The following CPNE4 variants were observed in gnomAD, a reference collection of about 807,000 sequenced individuals.
The protein encoded by CPNE4 is copine 4, also known as copine-4.
CPNE4 carries 25 observed loss-of-function variants against 67.9 expected under a neutral mutation model. The observed-to-expected ratio is 0.37, with a 90% confidence interval of 0.27 to 0.51. CPNE4 has a LOEUF of 0.51. CPNE4 is among the 20% of genes least tolerant of loss of function. The pLI, the probability that CPNE4 is intolerant of heterozygous loss-of-function variation, is 0.93. For synonymous variants in CPNE4, 242 were observed against 244.9 expected (o/e 0.99, Z 0.11); for missense variants, 464 against 690.8 (o/e 0.67, Z 3.68).
At chr3:131,862,054 T>C (rs2086712903) in intron 2 of CPNE4, among the ~76,000 whole-genome samples, 1 of 152,218 alleles carries the variant, frequency 6.6e-6, no homozygotes, top group African/African-American at 2.4e-5. Flanking sequence ...ACCCAGGGGC[T>C]CTTTTCTTTG....
chr3:131,952,899 A>G (rs1183550212), intron 1 of CPNE4, among the ~76,000 whole-genome samples: 14 of 150,130 alleles, frequency 9.3e-5, no homozygotes, highest in East Asian at 2.0e-4. Flanking sequence ...CTGTACTAAG[A>G]AAAATTATTC....
chr3:131,779,635 A>T lies in CPNE4; in HGVS notation c.181-56010T>A, dbSNP rs148819494. ...GTGGAATAACTGGCTACCCATATGC[A>T]GAAGATTGAAACTGGACCCTTACCT... On this transcript the variant is annotated intron_variant, in intron 2 of 15. Coordinates refer to ENST00000429747, the MANE Select transcript of CPNE4 (RefSeq NM_130808.3). Among the ~76,000 whole-genome samples, 16 of 152,262 alleles carry T rather than the reference A, an allele frequency of 1.1e-4. No homozygotes were observed. The East Asian group carries it at 2.9e-3, about 28-fold the overall frequency.
chr3:131,864,547 C>T (rs2086848953), intron 2 of CPNE4, among the ~76,000 whole-genome samples: 2 of 151,896 alleles, frequency 1.3e-5, no homozygotes, highest in South Asian at 2.1e-4. Flanking sequence ...GAATTTTGCA[C>T]ATTGATTTTG....
intron 6 of CPNE4, among the ~76,000 whole-genome samples, chr3:131,680,960 C>A (rs182946201): frequency 4.9e-4 from 74 of 152,296 alleles, no homozygotes; most frequent in Non-Finnish European, 1.3e-4. Flanking sequence ...GAATAATAAT[C>A]TCCAGTTCCA....
chr3:131,957,461 T>C (rs1043942532), intron 1 of CPNE4, among the ~76,000 whole-genome samples: 12 of 152,162 alleles, frequency 7.9e-5, no homozygotes, highest in Non-Finnish European at 1.8e-4. Context: ...AGCATTGTTA[T>C]CAAACTGTTG....
At chr3:131,857,443 G>C (rs9838144) in intron 2 of CPNE4, among the ~76,000 whole-genome samples, 21,836 of 151,888 alleles carry the variant, frequency 0.14, 2,097 homozygotes, top group Non-Finnish European at 0.21. Flanking sequence ...CCCTAGGGTT[G>C]GTAAATGTTT....
At chr3:131,765,417 A>G (rs943352261) in intron 2 of CPNE4, among the ~76,000 whole-genome samples, 30 of 152,132 alleles carry the variant, frequency 2.0e-4, no homozygotes, top group African/African-American at 7.0e-4. Context: ...GTTGCTTATC[A>G]AGAATTGCTT....
At chr3:131,869,334 A>C (rs2087098442) in intron 2 of CPNE4, among the ~76,000 whole-genome samples, 1 of 152,212 alleles carries the variant, frequency 6.6e-6, no homozygotes, top group African/African-American at 2.4e-5. Context: ...GCTGAAGCAT[A>C]AAGAATAGAA....
chr3:131,538,971 G>T (rs71315616), intron 15 of CPNE4: 21,665 of 152,048 alleles, frequency 0.14, 1,652 homozygotes, highest in African/African-American at 0.2. Flanking sequence ...TGTTATATGA[G>T]CAGGAAAAAA....
chr3:131,740,032 C>A (rs977115284), intron 2 of CPNE4, among the ~76,000 whole-genome samples: 6 of 152,152 alleles, frequency 3.9e-5, no homozygotes, highest in African/African-American at 1.4e-4. Context: ...CCCACAGAAC[C>A]AATTGGCTTC....
chr3:131,853,615 A>T (rs187943270), intron 2 of CPNE4, among the ~76,000 whole-genome samples: 1 of 151,904 alleles, frequency 6.6e-6, no homozygotes, highest in Non-Finnish European at 1.5e-5. Context: ...TAAAGGCACT[A>T]TTAGAAAATG....
chr3:131,723,680 G>C, intron 2 of CPNE4, 55 bp from the exon 3 acceptor site: 3 of 1,481,876 alleles, frequency 2.0e-6, no homozygotes, highest in Non-Finnish European at 2.8e-6. Context: ...TATTATTACC[G>C]TTCAAGAAAA....
intron 14 of CPNE4, among the ~76,000 whole-genome samples, chr3:131,548,682 G>A (rs11925413): frequency 0.16 from 23,573 of 152,076 alleles, 1,936 homozygotes; most frequent in African/African-American, 0.21. Flanking sequence ...AAGAAGGTCA[G>A]TGTGGCTGAA....
At chr3:131,795,110 C>T (rs1298110202) in intron 2 of CPNE4, among the ~76,000 whole-genome samples, 1 of 152,168 alleles carries the variant, frequency 6.6e-6, no homozygotes, top group Non-Finnish European at 1.5e-5. Flanking sequence ...GAAAATCTTC[C>T]AGTGAGTCAA....
At chr3:131,664,488 C>T (rs950360998) in intron 7 of CPNE4, among the ~76,000 whole-genome samples, 55 of 152,176 alleles carry the variant, frequency 3.6e-4, no homozygotes, top group African/African-American at 1.2e-3. Flanking sequence ...AGAGACTTTC[C>T]TTTAGTGTCT....
At chr3:131,717,034 G>C (rs113277287) in intron 3 of CPNE4, among the ~76,000 whole-genome samples, 4,053 of 152,332 alleles carry the variant, frequency 0.027, 77 homozygotes, top group Middle Eastern at 0.044. Context: ...GAGTTTTAAA[G>C]AAGGAAAATG....
chr3:131,802,525 G>C (rs1030943514), intron 2 of CPNE4, among the ~76,000 whole-genome samples: 5 of 152,220 alleles, frequency 3.3e-5, no homozygotes, highest in Non-Finnish European at 5.9e-5. Flanking sequence ...GGGGGAGGCA[G>C]TCAGCAGATG....
chr3:131,592,507 G>T (rs542741694), intron 7 of CPNE4, among the ~76,000 whole-genome samples: 1 of 152,072 alleles, frequency 6.6e-6, no homozygotes, highest in Admixed American at 6.5e-5. Context: ...CCATTTACAG[G>T]TGCAATTTAC....
intron 2 of CPNE4, among the ~76,000 whole-genome samples, chr3:131,751,189 C>A (rs1373928375): frequency 6.6e-6 from 1 of 152,012 alleles, no homozygotes; most frequent in East Asian, 1.9e-4. Flanking sequence ...AGGTTTACAT[C>A]TTGTCAAATT....
Sources: allele counts gnomAD v4.1 joint callset (sites outside exome capture counted in the v4.1 genomes callset), GRCh38; gene constraint gnomAD v4.1.1; transcripts MANE v1.5; gene names NCBI Gene and HGNC (gene_info 2026-07-23, HGNC 2026-07-21).